RAB11FIP4: variants seen among roughly 807,000 people sequenced by gnomAD.
RAB11FIP4 encodes the protein RAB11 family interacting protein 4.
A neutral mutation model predicts 74.3 loss-of-function variants in RAB11FIP4; 23 were observed. The ratio of observed to expected loss-of-function variants is 0.31; its 90% CI spans 0.22 to 0.44. The LOEUF (loss-of-function observed/expected upper bound fraction) is 0.44, where lower values mean the gene tolerates loss of function less well. RAB11FIP4 is among the 20% of genes least tolerant of loss of function. The probability of loss-of-function intolerance (pLI) is 1.00; values close to 1 mark genes in which losing one functional copy is unlikely to be tolerated. For synonymous variants in RAB11FIP4, 360 were observed against 359.9 expected (o/e 1.00, Z 0.00); for missense variants, 630 against 863.9 (o/e 0.73, Z 3.39).
chr17:31,455,396 A>C (rs1209644930), intron 3 of RAB11FIP4, among the ~76,000 whole-genome samples: 1 of 152,220 alleles, frequency 6.6e-6, no homozygotes, highest in African/African-American at 2.4e-5. Context: ...GCACATTTAC[A>C]AATGGAAATT....
intron 1 of RAB11FIP4, among the ~76,000 whole-genome samples, chr17:31,427,185 TCCTGA>T (rs1359861856): frequency 6.6e-6 from 1 of 152,164 alleles, no homozygotes. Flanking sequence ...GGTCTCGAAC[TCCTGA>T]CCTCAGGTGA....
At position 31,491,396 on chromosome 17, in the gene RAB11FIP4, A is replaced by G. The variant is rs150635313; in HGVS notation, c.337-26255A>G. 5.6e-3 allele frequency among the ~76,000 whole-genome samples: 854 copies of G among 152,344 alleles called. 4 individuals are homozygous for G. The highest frequency in any genetic ancestry group is 9.0e-3 in the Non-Finnish European group (613 of 68,030). Reference sequence around the variant, plus strand: ...GAACCCCTGCCTTCAAGGAGCTCGCAGGATGGTAGTGAGGCAGGTAGAGCA... The same window carrying G: ...GAACCCCTGCCTTCAAGGAGCTCGCGGGATGGTAGTGAGGCAGGTAGAGCA... On this transcript the variant is annotated intron_variant, in intron 3 of 14. Coordinates refer to ENST00000621161, the MANE Select transcript of RAB11FIP4 (RefSeq NM_032932.6).
At chr17:31,486,606 A>AG (rs2071905306) in intron 3 of RAB11FIP4, among the ~76,000 whole-genome samples, 1 of 152,234 alleles carries the variant, frequency 6.6e-6, no homozygotes, top group Non-Finnish European at 1.5e-5. Context: ...GATACACCAC[A>AG]GTGCTCCTGT....
chr17:31,443,042 A>C (rs1032983835), intron 3 of RAB11FIP4, among the ~76,000 whole-genome samples: 2 of 152,090 alleles, frequency 1.3e-5, no homozygotes, highest in African/African-American at 2.4e-5. Context: ...GAATCCCATC[A>C]GGATTGCGTC....
chr17:31,467,567 A>G (rs1490235010), intron 3 of RAB11FIP4, among the ~76,000 whole-genome samples: 1 of 152,124 alleles, frequency 6.6e-6, no homozygotes, highest in East Asian at 1.9e-4. Context: ...ACAGAAGTCT[A>G]CATCCCCACT....
intron 3 of RAB11FIP4, among the ~76,000 whole-genome samples, chr17:31,438,209 G>A (rs2071377689): frequency 6.6e-6 from 1 of 152,080 alleles, no homozygotes; most frequent in African/African-American, 2.4e-5. Flanking sequence ...TGGGGAGGGG[G>A]CATGGAGACA....
At chr17:31,490,383 C>T (rs1013589720) in intron 3 of RAB11FIP4, among the ~76,000 whole-genome samples, 1 of 152,072 alleles carries the variant, frequency 6.6e-6, no homozygotes, top group Admixed American at 6.6e-5. Context: ...GAGGAGACTT[C>T]GCAATTTCAC....
In RAB11FIP4 at chr17:31,391,970, C is replaced by T. The variant is rs911023863; in HGVS notation, c.118C>T (p.Arg40Cys). Reference protein sequence around the residue: ...RDPDGFLRVERVAALGLRFGQ... With the variant: ...RDPDGFLRVECVAALGLRFGQ... ...CCCCGACGGCTTCCTGCGCGTGGAG[C>T]GCGTCGCGGCGCTCGGACTGCGCTT... The change falls in exon 1 of 15, where the codon CGC (arginine) becomes TGC (cysteine). Residue 40 changes from arginine (R) to cysteine (C), a missense_variant. Physicochemically the swap from Arg to Cys is radical, Grantham distance 180 (BLOSUM62 -3). Transcript: ENST00000621161. 1 of 1,367,248 alleles carries T rather than the reference C, an allele frequency of 7.3e-7. No individual in the cohort carries two copies. Among genetic ancestry groups the T allele is most frequent in the Admixed American group, 3.0e-5 (1 of 33,884 alleles). 84.7% of individuals were successfully genotyped at this position (1,367,248 alleles called of 1,614,324 possible). A position where few individuals can be genotyped will look rare whatever the true frequency, so the allele number is the denominator to read the frequency against.
At chr17:31,489,669 C>T (rs1333786207) in intron 3 of RAB11FIP4, among the ~76,000 whole-genome samples, 2 of 152,208 alleles carry the variant, frequency 1.3e-5, no homozygotes, top group African/African-American at 2.4e-5. Context: ...GCCTGCCCAG[C>T]TCTTCTAAGT....
chr17:31,403,864 T>C (rs1277224943), intron 1 of RAB11FIP4, among the ~76,000 whole-genome samples: 1 of 152,020 alleles, frequency 6.6e-6, no homozygotes, highest in Non-Finnish European at 1.5e-5. Context: ...ATCTGAAATT[T>C]GAGACTTCCT....
At chr17:31,496,521 A>G (rs531828052) in intron 3 of RAB11FIP4, among the ~76,000 whole-genome samples, 1 of 152,188 alleles carries the variant, frequency 6.6e-6, no homozygotes, top group South Asian at 2.1e-4. Flanking sequence ...ATCCTTGGAC[A>G]TTACTCTTCT....
At chr17:31,489,280 C>T (rs2071961487) in intron 3 of RAB11FIP4, among the ~76,000 whole-genome samples, 1 of 152,178 alleles carries the variant, frequency 6.6e-6, no homozygotes, top group Admixed American at 6.5e-5. Flanking sequence ...ATGGGGCAGG[C>T]ACATTCCTTA....
intron 3 of RAB11FIP4, among the ~76,000 whole-genome samples, chr17:31,506,620 A>G (rs1222511939): frequency 6.6e-6 from 1 of 152,190 alleles, no homozygotes. Context: ...GATTCTACAT[A>G]GGAGTGAGAT....
At chr17:31,470,344 G>A (rs1334614501) in intron 3 of RAB11FIP4, among the ~76,000 whole-genome samples, 1 of 152,132 alleles carries the variant, frequency 6.6e-6, no homozygotes, top group Non-Finnish European at 1.5e-5. Flanking sequence ...CTACCCCCTG[G>A]CACATTTCTT....
At chr17:31,500,147 C>A (rs1316613896) in intron 3 of RAB11FIP4, among the ~76,000 whole-genome samples, 1 of 152,112 alleles carries the variant, frequency 6.6e-6, no homozygotes, top group Non-Finnish European at 1.5e-5. Flanking sequence ...GACAGTCACA[C>A]CCCATCCAGG....
At chr17:31,459,957 T>C (rs1243879241) in intron 3 of RAB11FIP4, among the ~76,000 whole-genome samples, 1 of 152,108 alleles carries the variant, frequency 6.6e-6, no homozygotes, top group Admixed American at 6.5e-5. Flanking sequence ...TGGAAATTGG[T>C]GGTGGCCACA....
At chr17:31,466,489 T>TA (rs2071687329) in intron 3 of RAB11FIP4, among the ~76,000 whole-genome samples, 1 of 152,194 alleles carries the variant, frequency 6.6e-6, no homozygotes, top group Non-Finnish European at 1.5e-5. Flanking sequence ...TAGCAGCTGT[T>TA]ACACCATTTT....
chr17:31,418,654 A>G (rs968594572), intron 1 of RAB11FIP4, among the ~76,000 whole-genome samples: 1 of 151,906 alleles, frequency 6.6e-6, no homozygotes, highest in African/African-American at 2.4e-5. Context: ...TTGCAGAGAC[A>G]GGGTTTTGCC....
At position 31,395,417 on chromosome 17, in the gene RAB11FIP4, A is replaced by G. The variant is rs572192395; in HGVS notation, c.159+3406A>G. Among the ~76,000 whole-genome samples, 24 of 152,340 alleles carry G rather than the reference A, an allele frequency of 1.6e-4. 1 individual carries two copies. In the South Asian group the frequency reaches 4.4e-3, roughly 28 times the overall value. On this transcript the variant is annotated intron_variant, in intron 1 of 14. Coordinates refer to ENST00000621161, the MANE Select transcript of RAB11FIP4 (RefSeq NM_032932.6). The stretch of plus-strand genomic sequence containing the variant: ...GGAAAGTGGGGGGAACAGCAACTGT[A>G]TAGTGGAGAAACCCAACAAACACTG...
Sources: gnomAD v4.1 joint callset for allele counts (sites outside exome capture counted in the v4.1 genomes callset) on GRCh38, gnomAD v4.1.1 for gene constraint, MANE v1.5 for transcripts, NCBI Gene and HGNC (gene_info 2026-07-23, HGNC 2026-07-21) for gene names.